KAZN: variants seen among roughly 807,000 people sequenced by gnomAD.
The protein encoded by KAZN is kazrin, periplakin interacting protein, also known as kazrin.
A neutral mutation model predicts 87.4 loss-of-function variants in KAZN; 40 were observed. The observed-to-expected ratio is 0.46, with a 90% confidence interval of 0.36 to 0.60. The LOEUF is 0.60. KAZN is among the 20% of genes least tolerant of loss of function. The probability of loss-of-function intolerance (pLI) is 0.00; values close to 1 mark genes in which losing one functional copy is unlikely to be tolerated. For missense variants in KAZN, 898 were observed against 1,073.9 expected (o/e 0.84, Z 2.29); for synonymous variants, 466 against 458.3 (o/e 1.02, Z -0.22).
At chr1:14,310,725 G>A (rs1167913221) in intron 2 of KAZN, among the ~76,000 whole-genome samples, 4 of 152,152 alleles carry the variant, frequency 2.6e-5, no homozygotes, top group African/African-American at 9.7e-5. Flanking sequence ...GAGGCTCTGC[G>A]AACACATCTG....
chr1:14,491,925 C>T (rs751717447), intron 2 of KAZN, among the ~76,000 whole-genome samples: 12 of 152,156 alleles, frequency 7.9e-5, no homozygotes, highest in Admixed American at 2.0e-4. Flanking sequence ...GCCTATCCCT[C>T]CCTTTTTAAT....
chr1:14,738,646 G>A (rs890930420), intron 1 of KAZN, among the ~76,000 whole-genome samples: 5 of 152,076 alleles, frequency 3.3e-5, no homozygotes, highest in African/African-American at 7.2e-5. Flanking sequence ...AGTCCAGGCA[G>A]GTAATGTTTA....
chr1:14,969,372 T>C (rs1456639546), intron 2 of KAZN, among the ~76,000 whole-genome samples: 1 of 152,250 alleles, frequency 6.6e-6, no homozygotes, highest in African/African-American at 2.4e-5. Context: ...AATGTGTATG[T>C]TCCTCTTTAG....
chr1:15,093,873 T>C (rs1213255759), intron 8 of KAZN, among the ~76,000 whole-genome samples: 1 of 152,230 alleles, frequency 6.6e-6, no homozygotes, highest in Non-Finnish European at 1.5e-5. Context: ...CCGGCTTGAC[T>C]TTTCCCTTTG....
At chr1:14,796,148 G>A (rs762836891) in intron 1 of KAZN, among the ~76,000 whole-genome samples, 12 of 152,050 alleles carry the variant, frequency 7.9e-5, no homozygotes, top group African/African-American at 1.2e-4. Flanking sequence ...TCTGGCCTCC[G>A]TTCTGGTCCT....
At chr1:14,531,020 C>A (rs766681450) in intron 2 of KAZN, among the ~76,000 whole-genome samples, 2 of 152,170 alleles carry the variant, frequency 1.3e-5, no homozygotes, top group African/African-American at 2.4e-5. Flanking sequence ...CTGCACCGAG[C>A]TGTGATCGCA....
chr1:15,044,679 G>T (rs1256673682), intron 4 of KAZN, among the ~76,000 whole-genome samples: 1 of 149,358 alleles, frequency 6.7e-6, no homozygotes, highest in Non-Finnish European at 1.5e-5. Context: ...AGGTAAGGCT[G>T]CAGTGAGCCA....
At chr1:15,022,438 G>A (rs1212842653) in intron 2 of KAZN, among the ~76,000 whole-genome samples, 2 of 152,186 alleles carry the variant, frequency 1.3e-5, no homozygotes, top group Admixed American at 6.5e-5. Context: ...CCATTTGACC[G>A]TGAGGCAAAA....
chr1:14,855,976 GC>G (rs1650051753), intron 1 of KAZN, among the ~76,000 whole-genome samples: 2 of 152,344 alleles, frequency 1.3e-5, no homozygotes, highest in Non-Finnish European at 2.9e-5. Context: ...TTTTCAATAA[GC>G]CACCAAAATG....
chr1:14,749,057 C>T (rs535909363), intron 1 of KAZN, among the ~76,000 whole-genome samples: 21 of 152,340 alleles, frequency 1.4e-4, no homozygotes, highest in Non-Finnish European at 2.5e-4. Flanking sequence ...AGGCAAGTCA[C>T]TCTAGTCTCT....
intron 2 of KAZN, among the ~76,000 whole-genome samples, chr1:14,383,923 A>G (rs897695323): frequency 6.6e-5 from 10 of 151,884 alleles, no homozygotes; most frequent in Admixed American, 2.6e-4. Flanking sequence ...CCATTTTCAC[A>G]ATATTGATTC....
intron 2 of KAZN, among the ~76,000 whole-genome samples, chr1:14,550,739 C>CTCTCTCG (rs1480745409): frequency 1.4e-5 from 1 of 69,968 alleles, no homozygotes; most frequent in Admixed American, 1.4e-4. Context: ...CTCTCTCTCT[C>CTCTCTCG]CCCCACCCCG....
intron 1 of KAZN, among the ~76,000 whole-genome samples, chr1:14,827,251 T>A (rs1199197353): frequency 6.6e-6 from 1 of 152,018 alleles, no homozygotes; most frequent in African/African-American, 2.4e-5. Context: ...TGTTTTTTTG[T>A]GTTTTGGTTT....
chr1:13,981,487 T>G (rs1638706638), intron 1 of KAZN, among the ~76,000 whole-genome samples: 1 of 152,096 alleles, frequency 6.6e-6, no homozygotes, highest in Non-Finnish European at 1.5e-5. Context: ...ATACTAGACC[T>G]GCCTCTCAAT....
At chr1:14,419,709 G>A (rs899333338) in intron 2 of KAZN, among the ~76,000 whole-genome samples, 5 of 152,140 alleles carry the variant, frequency 3.3e-5, no homozygotes, top group African/African-American at 1.2e-4. Flanking sequence ...TCATTCAAGA[G>A]TGAAGCCGCA....
At chr1:15,078,964 C>T (rs1639879757) in intron 8 of KAZN, among the ~76,000 whole-genome samples, 1 of 152,214 alleles carries the variant, frequency 6.6e-6, no homozygotes, top group Non-Finnish European at 1.5e-5. Flanking sequence ...TTGTGCAATG[C>T]ATAGTGAAAG....
intron 2 of KAZN, among the ~76,000 whole-genome samples, chr1:14,992,436 A>G (rs1667445984): frequency 6.6e-6 from 1 of 152,194 alleles, no homozygotes; most frequent in South Asian, 2.1e-4. Flanking sequence ...AATAGGAACC[A>G]GTCCTGGCCA....
chr1:13,910,794 A>ATAAGAAGAG (rs1440240329), intron 1 of KAZN, among the ~76,000 whole-genome samples: 22 of 152,110 alleles, frequency 1.4e-4, no homozygotes, highest in African/African-American at 4.6e-4. Flanking sequence ...CTTTCCCATA[A>ATAAGAAGAG]TAAGAAGAGA....
intron 1 of KAZN, among the ~76,000 whole-genome samples, chr1:14,943,058 G>A (rs1245744339): frequency 7.4e-6 from 1 of 134,498 alleles, no homozygotes; most frequent in Non-Finnish European, 1.5e-5. Flanking sequence ...GTGTTGGGGA[G>A]GAGAGCCTTG....
Sources: allele counts gnomAD v4.1 joint callset (sites outside exome capture counted in the v4.1 genomes callset), GRCh38; gene constraint gnomAD v4.1.1; transcripts MANE v1.5; gene names NCBI Gene and HGNC (gene_info 2026-07-23, HGNC 2026-07-21).